Variants in PNKD observed in about 807,000 individuals in gnomAD.
PNKD encodes probable thioesterase PNKD.
Under a neutral mutation model 45.3 loss-of-function variants are expected in PNKD, and 36 were observed. That is an observed-to-expected ratio of 0.80 (90% CI 0.61 to 1.05). The LOEUF (loss-of-function observed/expected upper bound fraction) is 1.05. PNKD is among the 50% of genes least tolerant of loss of function. The probability of loss-of-function intolerance (pLI) is 0.00; values close to 1 mark genes in which losing one functional copy is unlikely to be tolerated. For missense variants in PNKD, 511 were observed against 506.6 expected (o/e 1.01, Z -0.08); for synonymous variants, 197 against 210.1 (o/e 0.94, Z 0.54).
intron 2 of PNKD, among the ~76,000 whole-genome samples, chr2:218,271,778 G>T (rs757861928): frequency 6.6e-6 from 1 of 152,236 alleles, no homozygotes; most frequent in Non-Finnish European, 1.5e-5. Flanking sequence ...ATCTGATTCA[G>T]ACTTGGGTCC....
Position 218,272,814 on chromosome 2 carries a change from CCA to C in PNKD, c.236+1266_236+1267del, listed in dbSNP as rs547448826. 1.0e-4 allele frequency: 166 copies of C among 1,612,912 alleles called. 1 individual carries two copies. The East Asian group carries it at 3.5e-3, about 34-fold the overall frequency. On this transcript the variant is annotated intron_variant, in intron 2 of 9. Coordinates refer to ENST00000273077, the MANE Select transcript of PNKD (RefSeq NM_015488.5). ...TGACTGTTAAGTCCTCAGGTTTGGCCCAGATTCCAGTTCGTGCCTCTGAGGTC... is the reference window on the plus strand; with the variant it reads ...TGACTGTTAAGTCCTCAGGTTTGGCCGATTCCAGTTCGTGCCTCTGAGGTC...
intron 2 of PNKD, among the ~76,000 whole-genome samples, chr2:218,297,355 G>A (rs985811774): frequency 8.5e-5 from 13 of 152,186 alleles, no homozygotes; most frequent in Admixed American, 7.2e-4. Flanking sequence ...TGGCACTAAA[G>A]GACTGTGAGG....
At chr2:218,303,031 C>T (rs1437243622) in intron 2 of PNKD, among the ~76,000 whole-genome samples, 1 of 152,124 alleles carries the variant, frequency 6.6e-6, no homozygotes, top group Admixed American at 6.5e-5. Flanking sequence ...CTTCTGCCTG[C>T]CAGGTTCAAG....
Position 218,340,843 on chromosome 2 carries a change from T to G in PNKD, c.524+57T>G, listed in dbSNP as rs1694652304. 6.2e-6 allele frequency: 9 copies of G among 1,457,728 alleles called. No homozygotes were observed. The South Asian group carries it at 9.1e-5, about 15-fold the overall frequency. The allele number at this position is 1,457,728 out of a possible 1,614,324, so 90.3% of individuals were successfully genotyped here. On this transcript the variant is annotated intron_variant, in intron 5 of 9. Coordinates refer to ENST00000273077, the MANE Select transcript of PNKD (RefSeq NM_015488.5). The surrounding 1 kb of genome is among the most constrained non-coding windows in gnomAD (Gnocchi z 4.2). ...TTGTCCCAGCTGGGCTTGCCAGGAC[T>G]GGGCCCATTGAGGACGGCCGGGGCC... is the stretch of plus-strand genomic sequence containing the variant.
At chr2:218,307,651 A>G (rs1287609934) in intron 2 of PNKD, among the ~76,000 whole-genome samples, 8 of 152,160 alleles carry the variant, frequency 5.3e-5, no homozygotes, top group African/African-American at 1.9e-4. Flanking sequence ...ACCAAGGACC[A>G]GTATAGGGTT....
rs1408313662 is a variant in PNKD, at chr2:218,346,773, G to T, written c.*1792G>T. 6.5e-6 allele frequency: 1 copy of T among 153,970 alleles called. No homozygotes were observed. Among genetic ancestry groups the T allele is most frequent in the Non-Finnish European group, 1.5e-5 (1 of 68,066 alleles). The allele number at this position is 153,970 out of a possible 1,614,324, so 9.5% of individuals were successfully genotyped here. ...AGTAGGCGCTCAATAAATGTTGAAT[G>T]AATGAATGATTTAATCAAGACTTGA... On this transcript the variant is annotated 3_prime_UTR_variant, in exon 10 of 10. Coordinates refer to ENST00000273077, the MANE Select transcript of PNKD (RefSeq NM_015488.5).
chr2:218,323,302 G>A lies in PNKD; in HGVS notation c.237-16481G>A, dbSNP rs754521313. On this transcript the variant is annotated intron_variant, in intron 2 of 9. Coordinates refer to ENST00000273077, the MANE Select transcript of PNKD (RefSeq NM_015488.5). ...CAGGGCTGGCCCGCGGCGTGGCAGT[G>A]GGTCGCCGGCTGCTGGCTCCTCCTC... 1.0e-5 allele frequency: 16 copies of A among 1,556,362 alleles called. No homozygotes were observed. In the Admixed American group the frequency reaches 2.4e-4, roughly 24 times the overall value.
chr2:218,308,396 C>T (rs1421877359), intron 2 of PNKD, among the ~76,000 whole-genome samples: 1 of 151,892 alleles, frequency 6.6e-6, no homozygotes, highest in Non-Finnish European at 1.5e-5. Flanking sequence ...ACCATATTGG[C>T]CAGGCTGTTC....
intron 2 of PNKD, chr2:218,280,483 CAG>C (rs1691793897): frequency 3.3e-5 from 10 of 300,226 alleles, no homozygotes; most frequent in Non-Finnish European, 6.5e-5. Context: ...GGGATGGGGA[CAG>C]AGGGTAGGAG....
chr2:218,342,752 A>C (rs1018915650), intron 7 of PNKD, among the ~76,000 whole-genome samples: 1 of 151,424 alleles, frequency 6.6e-6, no homozygotes, highest in Non-Finnish European at 1.5e-5. Context: ...AGGAGCAGTG[A>C]CTCAGGCCTG....
rs71856767 is a variant in PNKD at position 218,281,141 on chromosome 2, G to GT, written c.236+9602dup. On this transcript the variant is annotated intron_variant, in intron 2 of 9. Coordinates refer to ENST00000273077, the MANE Select transcript of PNKD (RefSeq NM_015488.5). The stretch of plus-strand genomic sequence containing the variant: ...TGTTTTGTTTTTTGTTTTTTTTTTG[G>GT]TTTTTTTTTTGAGACAGAGTCTTGC... 1.6e-3 allele frequency: 155 copies of GT among 95,652 alleles called. 1 individual carries two copies. The highest frequency in any genetic ancestry group is 6.2e-3 in the African/African-American group (67 of 10,742). 5.9% of individuals were successfully genotyped at this position (95,652 alleles called of 1,614,324 possible). A position where few individuals can be genotyped will look rare whatever the true frequency, so the allele number is the denominator to read the frequency against.
In PNKD at chr2:218,340,239, G is replaced by T; in HGVS notation, c.465+98G>T. The T allele has an allele frequency of 1.3e-6, 1 of 776,206 alleles. No homozygotes were observed. The highest frequency in any genetic ancestry group is 2.3e-6 in the Non-Finnish European group (1 of 438,452). 48.1% of individuals were successfully genotyped at this position (776,206 alleles called of 1,614,324 possible). A position where few individuals can be genotyped will look rare whatever the true frequency, so the allele number is the denominator to read the frequency against. ...GGCTGACCCTTGTCCGTCTGCCCGT[G>T]GGATGTGTCCCATATGCTCCATGTT... On this transcript the variant is annotated intron_variant, in intron 4 of 9. Transcript: ENST00000273077. This position sits in a 1 kb window ranked among gnomAD's most constrained non-coding sequence, Gnocchi z 4.2.
Position 218,340,622 on chromosome 2 carries a change from C to T in PNKD, c.466-106C>T. 1.2e-6 allele frequency: 1 copy of T among 833,572 alleles called. No individual in the cohort carries two copies. 51.6% of individuals were successfully genotyped at this position (833,572 alleles called of 1,614,324 possible). A position where few individuals can be genotyped will look rare whatever the true frequency, so the allele number is the denominator to read the frequency against. ...CATCCCTTTCCTCTGCTTCATCTCT[C>T]CATGCTCTCCTCTCCTCTCCACCAG... On this transcript the variant is annotated intron_variant, in intron 4 of 9. Coordinates refer to ENST00000273077, the MANE Select transcript of PNKD (RefSeq NM_015488.5). This position sits in a 1 kb window ranked among gnomAD's most constrained non-coding sequence, Gnocchi z 4.2.
intron 2 of PNKD, among the ~76,000 whole-genome samples, chr2:218,273,895 C>G (rs1690973853): frequency 6.6e-6 from 1 of 152,166 alleles, no homozygotes; most frequent in Admixed American, 6.6e-5. Flanking sequence ...ATACATACAG[C>G]TCTTTGAGGA....
At chr2:218,329,570 G>A (rs577141223) in intron 2 of PNKD, among the ~76,000 whole-genome samples, 57 of 152,304 alleles carry the variant, frequency 3.7e-4, no homozygotes, top group African/African-American at 1.2e-3. Flanking sequence ...TGACAGATGG[G>A]CGTCCTCTGG....
chr2:218,276,188 G>C (rs976008929), intron 2 of PNKD: 3 of 1,186,808 alleles, frequency 2.5e-6, no homozygotes, highest in African/African-American at 3.1e-5. Flanking sequence ...GAGCTGGGAA[G>C]CTAGCTCTCC....
At position 218,340,626 on chromosome 2, in the gene PNKD, G is replaced by GCTCTC. The variant is rs1694643324; in HGVS notation, c.466-90_466-86dup. 4 of 844,036 alleles carry GCTCTC rather than the reference G, an allele frequency of 4.7e-6. No homozygotes were observed. The highest frequency in any genetic ancestry group is 2.4e-5 in the East Asian group (1 of 41,444). The allele number at this position is 844,036 out of a possible 1,614,324, so 52.3% of individuals were successfully genotyped here. The stretch of plus-strand genomic sequence containing the variant: ...CCTTTCCTCTGCTTCATCTCTCCAT[G>GCTCTC]CTCTCCTCTCCTCTCCACCAGCGCC... On this transcript the variant is annotated intron_variant, in intron 4 of 9. Coordinates refer to ENST00000273077, the MANE Select transcript of PNKD (RefSeq NM_015488.5). The surrounding 1 kb of genome is among the most constrained non-coding windows in gnomAD (Gnocchi z 4.2).
chr2:218,280,917 T>C (rs1489680862), intron 2 of PNKD: 2 of 143,222 alleles, frequency 1.4e-5, no homozygotes, highest in African/African-American at 5.3e-5. Context: ...GTTCAAGCAA[T>C]TCTCCTGCCT....
At chr2:218,279,195 C>T (rs1471072904) in intron 2 of PNKD, 5 of 1,574,118 alleles carry the variant, frequency 3.2e-6, no homozygotes, top group Non-Finnish European at 4.3e-6. Context: ...CCCATGGTCA[C>T]CCTGAGAGCA....
Sources: allele counts gnomAD v4.1 joint callset (sites outside exome capture counted in the v4.1 genomes callset), GRCh38; gene constraint gnomAD v4.1.1; non-coding constraint Gnocchi (gnomAD v3.1); transcripts MANE v1.5; gene names NCBI Gene and HGNC (gene_info 2026-07-23, HGNC 2026-07-21).